SPAG16: variants seen among roughly 807,000 people sequenced by gnomAD.
SPAG16 encodes the protein sperm-associated antigen 16 protein.
In SPAG16, 86 loss-of-function variants were observed where a neutral mutation model predicts 80.4. The observed-to-expected ratio is 1.07, with a 90% CI of 0.90 to 1.28. The LOEUF (loss-of-function observed/expected upper bound fraction) is 1.28, where lower values mean the gene tolerates loss of function less well. Ranked by LOEUF, SPAG16 falls within the 50% of genes most tolerant of loss-of-function variation. The pLI, the probability that SPAG16 is intolerant of heterozygous loss-of-function variation, is 0.00. For missense variants in SPAG16, 870 were observed against 765.3 expected (o/e 1.14, Z -1.61); for synonymous variants, 294 against 265.9 (o/e 1.11, Z -1.03).
intron 15 of SPAG16, among the ~76,000 whole-genome samples, chr2:214,220,595 A>G (rs1161763635): frequency 6.6e-6 from 1 of 152,132 alleles, no homozygotes; most frequent in Non-Finnish European, 1.5e-5. Flanking sequence ...CACTTTGTAC[A>G]TATCACTAAT....
At chr2:213,566,864 T>C (rs951725053) in intron 10 of SPAG16, among the ~76,000 whole-genome samples, 1 of 152,236 alleles carries the variant, frequency 6.6e-6, no homozygotes, top group South Asian at 2.1e-4. Flanking sequence ...CACACTGTTA[T>C]ATTTTAATAG....
At chr2:213,921,023 G>T (rs1485340721) in intron 11 of SPAG16, among the ~76,000 whole-genome samples, 3 of 152,156 alleles carry the variant, frequency 2.0e-5, no homozygotes, top group African/African-American at 7.2e-5. Context: ...GGAGTTGTTG[G>T]AGGGTAGGAA....
chr2:213,492,284 T>G (rs2074272769), intron 10 of SPAG16, among the ~76,000 whole-genome samples: 1 of 152,248 alleles, frequency 6.6e-6, no homozygotes, highest in South Asian at 2.1e-4. Context: ...CCGGGTGTGG[T>G]GGCTCACGCC....
chr2:213,322,069 A>G (rs981200288), intron 5 of SPAG16, among the ~76,000 whole-genome samples: 2 of 151,042 alleles, frequency 1.3e-5, no homozygotes, highest in Non-Finnish European at 3.0e-5. Context: ...AACTTAAAGT[A>G]TAATAAAAAT....
chr2:214,233,734 G>T (rs1045750410), intron 15 of SPAG16, among the ~76,000 whole-genome samples: 2 of 152,062 alleles, frequency 1.3e-5, no homozygotes, highest in South Asian at 4.2e-4. Context: ...AAATTATTTG[G>T]ATAATAATTT....
At chr2:214,193,857 C>A (rs2057748454) in intron 15 of SPAG16, among the ~76,000 whole-genome samples, 1 of 152,032 alleles carries the variant, frequency 6.6e-6, no homozygotes, top group South Asian at 2.1e-4. Context: ...ACAAAACATT[C>A]AACACTAAGT....
chr2:214,067,452 C>T (rs1249000639), intron 13 of SPAG16, among the ~76,000 whole-genome samples: 3 of 152,026 alleles, frequency 2.0e-5, no homozygotes, highest in Admixed American at 6.6e-5. Flanking sequence ...ATCAGCTCTA[C>T]TGCATGCATA....
intron 11 of SPAG16, among the ~76,000 whole-genome samples, chr2:213,867,107 G>C (rs1156940635): frequency 1.3e-5 from 2 of 152,164 alleles, no homozygotes; most frequent in African/African-American, 4.8e-5. Flanking sequence ...AGTAGGACTT[G>C]TCTGTCCAGA....
chr2:213,772,146 G>GAA (rs2069288946), intron 10 of SPAG16, among the ~76,000 whole-genome samples: 1 of 152,126 alleles, frequency 6.6e-6, no homozygotes. Context: ...TCTCATTGAA[G>GAA]AGGTCCTTCA....
At chr2:213,530,887 A>G (rs2076043723) in intron 10 of SPAG16, among the ~76,000 whole-genome samples, 1 of 151,818 alleles carries the variant, frequency 6.6e-6, no homozygotes, top group African/African-American at 2.4e-5. Flanking sequence ...ATGTGTTTGT[A>G]TATTTGTGCT....
intron 15 of SPAG16, among the ~76,000 whole-genome samples, chr2:214,157,414 A>C (rs1312233593): frequency 4.6e-5 from 7 of 152,130 alleles, no homozygotes; most frequent in African/African-American, 7.2e-5. Context: ...CTGGAAATTT[A>C]ACTATTTTTC....
chr2:213,455,366 T>A (rs2071937798), intron 9 of SPAG16, among the ~76,000 whole-genome samples: 1 of 152,110 alleles, frequency 6.6e-6, no homozygotes, highest in Non-Finnish European at 1.5e-5. Flanking sequence ...CCACCAAACA[T>A]CCCCTTGTAC....
chr2:213,753,170 G>A (rs1472496680), intron 10 of SPAG16, among the ~76,000 whole-genome samples: 19 of 151,978 alleles, frequency 1.3e-4, no homozygotes, highest in African/African-American at 4.3e-4. Context: ...CCGTCACCAC[G>A]CCCGGCTAAT....
intron 10 of SPAG16, among the ~76,000 whole-genome samples, chr2:213,844,353 G>T (rs1468598133): frequency 6.6e-6 from 1 of 152,080 alleles, no homozygotes; most frequent in Non-Finnish European, 1.5e-5. Context: ...TATCATAATT[G>T]GTAAAAAGGG....
At position 214,065,443 on chromosome 2, in the gene SPAG16, C is replaced by A. The variant is rs140032724; in HGVS notation, c.1528-42753C>A. Among the ~76,000 whole-genome samples, 1,025 of 152,152 alleles carry A rather than the reference C, an allele frequency of 6.7e-3. 10 individuals carry two copies. Among genetic ancestry groups the A allele is most frequent in the Non-Finnish European group, 0.012 (838 of 67,972 alleles). On this transcript the variant is annotated intron_variant, in intron 13 of 15. Transcript: ENST00000331683. ...TTAATGAAATTATGAAAGTTCTCAT[C>A]TAATATTCTAAATCTTTACAGTGAA... is the stretch of plus-strand genomic sequence containing the variant.
chr2:214,254,792 A>G (rs1690564158), intron 15 of SPAG16, among the ~76,000 whole-genome samples: 1 of 151,914 alleles, frequency 6.6e-6, no homozygotes, highest in Non-Finnish European at 1.5e-5. Flanking sequence ...TAGTTGGGGG[A>G]AAACTCATTT....
At chr2:213,352,396 T>C (rs2065382761) in intron 7 of SPAG16, among the ~76,000 whole-genome samples, 1 of 152,204 alleles carries the variant, frequency 6.6e-6, no homozygotes, top group South Asian at 2.1e-4. Flanking sequence ...TCCTGAGGTA[T>C]TAGGAGCTAG....
intron 9 of SPAG16, among the ~76,000 whole-genome samples, chr2:213,387,431 CTT>C (rs71060428): frequency 5.0e-4 from 24 of 47,912 alleles, no homozygotes; most frequent in African/African-American, 2.2e-3. Flanking sequence ...AATGCATGCT[CTT>C]TTTTTTTTTT....
intron 10 of SPAG16, among the ~76,000 whole-genome samples, chr2:213,825,015 T>G (rs1198552248): frequency 4.6e-5 from 7 of 152,264 alleles, no homozygotes; most frequent in East Asian, 3.9e-4. Flanking sequence ...TGATTTTTTT[T>G]TCAAATTCTA....
Sources: gnomAD v4.1 joint callset for allele counts (sites outside exome capture counted in the v4.1 genomes callset) on GRCh38, gnomAD v4.1.1 for gene constraint, MANE v1.5 for transcripts, NCBI Gene and HGNC (gene_info 2026-07-23, HGNC 2026-07-21) for gene names.